Variants in PCDH15 observed in about 807,000 individuals in gnomAD.
The protein encoded by PCDH15 is protocadherin related 15.
A neutral mutation model predicts 178.5 loss-of-function variants in PCDH15; 129 were observed. The ratio of observed to expected loss-of-function variants is 0.72; its 90% CI spans 0.63 to 0.84. The LOEUF (loss-of-function observed/expected upper bound fraction) is 0.84, where lower values mean the gene tolerates loss of function less well. Ranked by LOEUF, PCDH15 falls within the 40% of genes least tolerant of loss-of-function variation. The pLI is 0.00. For synonymous variants in PCDH15, 800 were observed against 732.0 expected (o/e 1.09, Z -1.50); for missense variants, 2,230 against 2,099.9 (o/e 1.06, Z -1.21).
intron 1 of PCDH15, among the ~76,000 whole-genome samples, chr10:55,273,821 A>G (rs1002847080): frequency 2.6e-5 from 4 of 152,102 alleles, no homozygotes. Context: ...TAAGCATATA[A>G]CCTATTATAT....
chr10:54,524,035 A>T (rs559896818), intron 3 of PCDH15, among the ~76,000 whole-genome samples: 1 of 152,306 alleles, frequency 6.6e-6, no homozygotes, highest in East Asian at 1.9e-4. Flanking sequence ...TTTCAAAGCC[A>T]GTAATTGAAC....
At chr10:54,963,953 T>A (rs1591809022) in intron 2 of PCDH15, among the ~76,000 whole-genome samples, 1 of 152,098 alleles carries the variant, frequency 6.6e-6, no homozygotes, top group East Asian at 1.9e-4. Flanking sequence ...ATCCATCTCC[T>A]GAAGAGGCTA....
At chr10:53,810,499 G>T in intron 37 of PCDH15, 57 bp downstream of exon 37, 1 of 1,481,334 alleles carries the variant, frequency 6.8e-7, no homozygotes, top group Admixed American at 1.7e-5. Context: ...AGTCACGTAG[G>T]GTTAAACAAT....
intron 3 of PCDH15, among the ~76,000 whole-genome samples, chr10:54,826,974 G>A (rs1398713415): frequency 7.2e-5 from 11 of 152,058 alleles, no homozygotes; most frequent in Admixed American, 6.6e-5. Flanking sequence ...TGTCTATTGA[G>A]ATGAGACATA....
intron 1 of PCDH15, among the ~76,000 whole-genome samples, chr10:54,671,151 C>A (rs2094660676): frequency 6.6e-6 from 1 of 151,966 alleles, no homozygotes; most frequent in Admixed American, 6.6e-5. Flanking sequence ...AAAAATATAA[C>A]CAAGTAAATT....
chr10:55,237,434 A>C (rs1191306960), intron 1 of PCDH15, among the ~76,000 whole-genome samples: 1 of 152,168 alleles, frequency 6.6e-6, no homozygotes, highest in African/African-American at 2.4e-5. Context: ...TAGAATTTGA[A>C]GTATCTTTCA....
chr10:54,369,252 A>G lies in PCDH15; in HGVS notation c.342T>C (p.Ile114=). The stretch of plus-strand genomic sequence containing the variant: ...TGTTGATGCACTGGACCTGCACCAC[A>G]ATGGAGTGTATGTTCATCGGTGGCT... ...DRDPPMNIHS[I]VVQVQCINKK... Residue 114 remains isoleucine, a synonymous_variant, in exon 5 of 38, where the codon ATT becomes ATC. Coordinates refer to ENST00000644397, the MANE Select transcript of PCDH15 (RefSeq NM_001384140.1). The G allele has an allele frequency of 1.2e-6, 2 of 1,612,756 alleles. No homozygotes were observed. The highest frequency in any genetic ancestry group is 4.5e-5 in the East Asian group (2 of 44,830).
chr10:55,444,592 T>C (rs1839274094), intron 2 of PCDH15, among the ~76,000 whole-genome samples: 1 of 152,110 alleles, frequency 6.6e-6, no homozygotes, highest in Non-Finnish European at 1.5e-5. Context: ...ATATAAAACA[T>C]TGTCTTTAGG....
At chr10:53,879,097 GTTCT>G (rs1464960913) in intron 26 of PCDH15, among the ~76,000 whole-genome samples, 2 of 89,494 alleles carry the variant, frequency 2.2e-5, no homozygotes, top group East Asian at 8.5e-4. Flanking sequence ...TCTTCTATTT[GTTCT>G]TTTTTTTTTT....
chr10:54,094,364 G>A (rs1280350630), intron 15 of PCDH15, among the ~76,000 whole-genome samples: 2 of 152,152 alleles, frequency 1.3e-5, no homozygotes, highest in African/African-American at 4.8e-5. Context: ...TATATGGAGA[G>A]CAGGGTGAGG....
intron 2 of PCDH15, among the ~76,000 whole-genome samples, chr10:55,077,209 T>C (rs997138685): frequency 6.6e-6 from 1 of 152,150 alleles, no homozygotes; most frequent in Non-Finnish European, 1.5e-5. Flanking sequence ...CCTATAATTG[T>C]ATCATTTTTA....
intron 1 of PCDH15, among the ~76,000 whole-genome samples, chr10:54,712,160 T>A (rs199752175): frequency 6.6e-6 from 1 of 151,894 alleles, no homozygotes; most frequent in African/African-American, 2.4e-5. Flanking sequence ...ATCAATTCTT[T>A]TCCTTTACTT....
At chr10:54,898,439 T>A (rs772923875) in intron 2 of PCDH15, among the ~76,000 whole-genome samples, 1 of 152,152 alleles carries the variant, frequency 6.6e-6, no homozygotes, top group Non-Finnish European at 1.5e-5. Context: ...ACAAGATATC[T>A]AAGTTAATAT....
chr10:53,827,122 A>G (rs2076732439), intron 32 of PCDH15, among the ~76,000 whole-genome samples: 1 of 152,040 alleles, frequency 6.6e-6, no homozygotes, highest in East Asian at 1.9e-4. Flanking sequence ...GAGATATTAA[A>G]TATTATACTC....
chr10:54,452,123 A>G (rs1040462292), intron 3 of PCDH15, among the ~76,000 whole-genome samples: 9 of 151,966 alleles, frequency 5.9e-5, no homozygotes, highest in Non-Finnish European at 1.0e-4. Flanking sequence ...CTGATTAGTG[A>G]AGAAAAGCAG....
intron 2 of PCDH15, among the ~76,000 whole-genome samples, chr10:55,429,485 T>C (rs1217199875): frequency 6.6e-6 from 1 of 152,158 alleles, no homozygotes; most frequent in Non-Finnish European, 1.5e-5. Flanking sequence ...AAAATGTGTC[T>C]TTTTTGTTCT....
At chr10:54,254,067 C>T (rs550500415) in intron 8 of PCDH15, among the ~76,000 whole-genome samples, 18 of 152,136 alleles carry the variant, frequency 1.2e-4, no homozygotes, top group Admixed American at 1.1e-3. Context: ...CATTTTTAGG[C>T]ATTGAAAAGG....
chr10:55,398,949 A>G (rs1033472314), intron 2 of PCDH15, among the ~76,000 whole-genome samples: 1 of 152,218 alleles, frequency 6.6e-6, no homozygotes, highest in Non-Finnish European at 1.5e-5. Flanking sequence ...TGACACATAC[A>G]TATATGAATG....
intron 10 of PCDH15, among the ~76,000 whole-genome samples, chr10:54,206,604 A>G (rs1281071985): frequency 1.3e-5 from 2 of 152,150 alleles, no homozygotes; most frequent in Non-Finnish European, 2.9e-5. Flanking sequence ...CAACCAGAAT[A>G]ATGTATTTTG....
Sources: allele counts gnomAD v4.1 joint callset (sites outside exome capture counted in the v4.1 genomes callset), GRCh38; gene constraint gnomAD v4.1.1; transcripts MANE v1.5; gene names NCBI Gene and HGNC (gene_info 2026-07-23, HGNC 2026-07-21).